The following DNM3 variants were observed in gnomAD, a reference collection of about 807,000 sequenced individuals.
DNM3 encodes the protein dynamin 3, also known as dynamin-3.
Under a neutral mutation model 101.6 loss-of-function variants are expected in DNM3, and 47 were observed. That is an observed-to-expected ratio of 0.46 (90% CI 0.37 to 0.59). The LOEUF (loss-of-function observed/expected upper bound fraction) is 0.59, where lower values mean the gene tolerates loss of function less well. Ranked by LOEUF, DNM3 falls within the 20% of genes least tolerant of loss-of-function variation. DNM3 has a pLI of 0.00. For missense variants in DNM3, 849 were observed against 1,085.7 expected (o/e 0.78, Z 3.06); for synonymous variants, 385 against 387.9 (o/e 0.99, Z 0.09).
chr1:172,182,176 T>G lies in DNM3; in HGVS notation c.1659+50888T>G, dbSNP rs1229528943. Among the ~76,000 whole-genome samples the G allele has an allele frequency of 2.6e-5, 4 of 151,400 alleles. No homozygotes were observed. The East Asian group carries it at 5.8e-4, about 22-fold the overall frequency. Reference sequence around the variant, plus strand: ...CAAGAGGAAAAAAATGTGACAACATTTTATAGTTTTTTTTTTTTTAACAGT... The same window carrying G: ...CAAGAGGAAAAAAATGTGACAACATGTTATAGTTTTTTTTTTTTTAACAGT... On this transcript the variant is annotated intron_variant, in intron 14 of 20. Coordinates refer to ENST00000627582, the MANE Select transcript of DNM3 (RefSeq NM_015569.5).
chr1:171,901,910 T>C (rs1465757170), intron 1 of DNM3, among the ~76,000 whole-genome samples: 1 of 152,190 alleles, frequency 6.6e-6, no homozygotes, highest in Non-Finnish European at 1.5e-5. Context: ...GCTTCTTACA[T>C]AAATTGATGA....
intron 15 of DNM3, among the ~76,000 whole-genome samples, chr1:172,298,884 A>G (rs944874923): frequency 9.9e-6 from 1 of 100,796 alleles, no homozygotes; most frequent in African/African-American, 3.2e-5. Flanking sequence ...AGAAAGACAG[A>G]GAAAGAAAGA....
intron 13 of DNM3, among the ~76,000 whole-genome samples, chr1:172,127,385 CTTA>C (rs60339425): frequency 0.24 from 33,176 of 137,470 alleles, 4,002 homozygotes; most frequent in Admixed American, 0.28. Flanking sequence ...TTACTCTCTA[CTTA>C]TTATTATTAT....
At chr1:172,019,007 C>T (rs2901604) in intron 4 of DNM3, among the ~76,000 whole-genome samples, 37,231 of 128,596 alleles carry the variant, frequency 0.29, 6,021 homozygotes, top group East Asian at 0.48. Context: ...CTCCTTCCTT[C>T]GCCCCCTCCC....
rs1056255848 is a variant in DNM3, at chr1:172,027,613, CACACAG to C, written c.590-4787_590-4782del. Among the ~76,000 whole-genome samples the C allele has an allele frequency of 2.8e-4, 40 of 141,396 alleles. No homozygotes were observed. The South Asian group carries it at 7.1e-3, about 25-fold the overall frequency. The allele number at this position is 141,396 out of a possible 152,430, so 92.8% of individuals were successfully genotyped here. A position where few individuals can be genotyped will look rare whatever the true frequency, so the allele number is the denominator to read the frequency against. ...ACACACACACACACACACACACACA[CACACAG>C]AGAGAGAGAAATTGGATACAGAGTC... On this transcript the variant is annotated intron_variant, in intron 4 of 20. Transcript: ENST00000627582.
intron 15 of DNM3, among the ~76,000 whole-genome samples, chr1:172,275,115 G>C (rs1238983018): frequency 1.3e-5 from 2 of 152,066 alleles, no homozygotes. Flanking sequence ...GCTGTTGCTA[G>C]ATGCACAAGT....
At chr1:172,287,956 T>C (rs940135029) in intron 15 of DNM3, among the ~76,000 whole-genome samples, 1 of 151,996 alleles carries the variant, frequency 6.6e-6, no homozygotes, top group Non-Finnish European at 1.5e-5. Flanking sequence ...CCCAAAGTGA[T>C]AGGATTACAT....
At chr1:171,987,287 G>A in intron 2 of DNM3, 2 of 984,924 alleles carry the variant, frequency 2.0e-6, no homozygotes, top group Non-Finnish European at 2.4e-6. Context: ...ACTGAAGAGG[G>A]GAATGCTAAC....
intron 20 of DNM3, among the ~76,000 whole-genome samples, chr1:172,392,896 T>C (rs1275467099): frequency 6.6e-6 from 1 of 152,162 alleles, no homozygotes; most frequent in African/African-American, 2.4e-5. Flanking sequence ...CTCCAGCTCA[T>C]CAAAATGACA....
intron 2 of DNM3, among the ~76,000 whole-genome samples, chr1:171,965,643 G>C (rs1024575952): frequency 1.3e-5 from 2 of 152,108 alleles, no homozygotes; most frequent in African/African-American, 4.8e-5. Flanking sequence ...GTCCAGAAGG[G>C]TCTGAAGCAT....
intron 2 of DNM3, among the ~76,000 whole-genome samples, chr1:171,969,923 G>A (rs2043866746): frequency 6.6e-6 from 1 of 152,124 alleles, no homozygotes; most frequent in African/African-American, 2.4e-5. Context: ...GTATTAACAT[G>A]AAATAATGTG....
chr1:171,979,719 C>G (rs2044644975), intron 2 of DNM3, among the ~76,000 whole-genome samples: 1 of 152,172 alleles, frequency 6.6e-6, no homozygotes, highest in Admixed American at 6.5e-5. Context: ...CTTGGCTAAG[C>G]CTTATCCAGG....
At chr1:172,059,124 A>T (rs933428982) in intron 10 of DNM3, among the ~76,000 whole-genome samples, 28 of 151,136 alleles carry the variant, frequency 1.9e-4, no homozygotes, top group Admixed American at 1.6e-3. Context: ...TGACACATAC[A>T]CTCTCCCAAG....
intron 13 of DNM3, among the ~76,000 whole-genome samples, chr1:172,124,710 C>T (rs1347722887): frequency 6.6e-6 from 1 of 152,114 alleles, no homozygotes; most frequent in East Asian, 1.9e-4. Flanking sequence ...GCCCAGAGCA[C>T]GGAATGGCAC....
intron 1 of DNM3, among the ~76,000 whole-genome samples, chr1:171,882,867 C>T (rs987590071): frequency 4.6e-5 from 7 of 151,968 alleles, no homozygotes; most frequent in Non-Finnish European, 8.8e-5. Context: ...AAAACATTCA[C>T]CCTTGATCCT....
chr1:172,309,041 A>C, intron 16 of DNM3: 1 of 438,980 alleles, frequency 2.3e-6, no homozygotes, highest in Middle Eastern at 5.8e-4. Flanking sequence ...AAGAAGTTAA[A>C]CAATATATTT....
chr1:172,121,846 T>C (rs1359789486), intron 13 of DNM3, among the ~76,000 whole-genome samples: 1 of 152,166 alleles, frequency 6.6e-6, no homozygotes, highest in Non-Finnish European at 1.5e-5. Flanking sequence ...TAAATATTGG[T>C]TCCTTATTTT....
At chr1:172,417,071 CTGTTTT>C (rs943559398), downstream of DNM3, among the ~76,000 whole-genome samples, 25 of 151,970 alleles carry the variant, frequency 1.6e-4, no homozygotes, top group African/African-American at 5.8e-4. Context: ...AGAAGTTTTT[CTGTTTT>C]TGTTTTTGTT....
Position 172,210,445 on chromosome 1 carries a change from A to G in DNM3, c.1660-43128A>G, listed in dbSNP as rs532552840. Among the ~76,000 whole-genome samples the G allele has an allele frequency of 9.5e-4, 143 of 150,430 alleles. 2 individuals are homozygous for G. The South Asian group carries it at 0.028, about 30-fold the overall frequency. ...CATTTAGCCCTTGCAGGAAGAACTG[A>G]GGTTGAAGAATGGAGTCCAAGAAGC... On this transcript the variant is annotated intron_variant, in intron 14 of 20. Coordinates refer to ENST00000627582, the MANE Select transcript of DNM3 (RefSeq NM_015569.5).
Sources: allele counts gnomAD v4.1 joint callset (sites outside exome capture counted in the v4.1 genomes callset), GRCh38; gene constraint gnomAD v4.1.1; transcripts MANE v1.5; gene names NCBI Gene and HGNC (gene_info 2026-07-23, HGNC 2026-07-21).